Variants in CDH18 observed in about 807,000 individuals in gnomAD.
The protein encoded by CDH18 is cadherin-18.
A neutral mutation model predicts 67.9 loss-of-function variants in CDH18; 31 were observed. The observed-to-expected ratio is 0.46, with a 90% CI of 0.34 to 0.62. The LOEUF is 0.62. Ranked by LOEUF, CDH18 falls within the 20% of genes least tolerant of loss-of-function variation. CDH18 has a pLI of 0.01. For synonymous variants in CDH18, 362 were observed against 347.2 expected, an observed-to-expected ratio of 1.04 and a Z score of -0.48; for missense variants, 890 against 975.5, an observed-to-expected ratio of 0.91 and a Z score of 1.17.
At chr5:19,478,815 G>T (rs1406840289) in intron 12 of CDH18, among the ~76,000 whole-genome samples, 1 of 152,176 alleles carries the variant, frequency 6.6e-6, no homozygotes, top group East Asian at 1.9e-4. Context: ...AGGCCTCTGG[G>T]AGGGAGAGAG....
intron 7 of CDH18, among the ~76,000 whole-genome samples, chr5:19,584,805 A>AAAAAAAAAAG (rs1743868286): frequency 6.7e-6 from 1 of 148,538 alleles, no homozygotes; most frequent in African/African-American, 2.5e-5. Context: ...AAAAAAAAAA[A>AAAAAAAAAAG]AAAAAAAGAA....
intron 2 of CDH18, among the ~76,000 whole-genome samples, chr5:19,915,346 C>T (rs559352026): frequency 6.6e-6 from 1 of 152,102 alleles, no homozygotes; most frequent in African/African-American, 2.4e-5. Flanking sequence ...TATAGCTGAC[C>T]CTTGGACAAG....
chr5:20,096,198 C>A (rs1158929455), intron 2 of CDH18, among the ~76,000 whole-genome samples: 3 of 152,048 alleles, frequency 2.0e-5, no homozygotes, highest in Non-Finnish European at 4.4e-5. Context: ...TTTATGAATG[C>A]GTATTCAAAA....
intron 2 of CDH18, among the ~76,000 whole-genome samples, chr5:20,197,822 T>A (rs933915993): frequency 2.6e-5 from 4 of 152,212 alleles, no homozygotes; most frequent in African/African-American, 9.6e-5. Flanking sequence ...ATTACAGGCA[T>A]AAGTTCTGAT....
chr5:20,533,443 C>T (rs1703050), intron 1 of CDH18, among the ~76,000 whole-genome samples: 70,597 of 151,504 alleles, frequency 0.47, 16,520 homozygotes, highest in East Asian at 0.57. Context: ...AAGCAGTAGA[C>T]ATGCAAAATT....
chr5:19,542,846 G>A (rs1198345190), intron 9 of CDH18, among the ~76,000 whole-genome samples: 1 of 151,956 alleles, frequency 6.6e-6, no homozygotes, highest in East Asian at 1.9e-4. Context: ...GGTAATGGAT[G>A]TGTAACTCTG....
chr5:20,202,826 T>A (rs566926732), intron 2 of CDH18, among the ~76,000 whole-genome samples: 3 of 152,088 alleles, frequency 2.0e-5, no homozygotes, highest in African/African-American at 7.2e-5. Flanking sequence ...AACACATACC[T>A]ATATTAATAA....
intron 9 of CDH18, among the ~76,000 whole-genome samples, chr5:19,524,807 G>A (rs535400343): frequency 5.5e-4 from 83 of 151,982 alleles, no homozygotes; most frequent in Non-Finnish European, 9.3e-4. Context: ...GTGCAGTGGC[G>A]CGATCTCCGC....
intron 3 of CDH18, among the ~76,000 whole-genome samples, chr5:19,801,301 G>A (rs1381862361): frequency 1.3e-5 from 2 of 152,050 alleles, no homozygotes; most frequent in Admixed American, 6.6e-5. Context: ...GTTTCATTAC[G>A]TTAATCACTA....
chr5:20,450,752 C>T (rs1750382086), intron 1 of CDH18, among the ~76,000 whole-genome samples: 1 of 152,138 alleles, frequency 6.6e-6, no homozygotes, highest in Admixed American at 6.5e-5. Flanking sequence ...TATGAAAAAA[C>T]TCATTGCATT....
chr5:20,061,498 T>G (rs1742482332), intron 2 of CDH18, among the ~76,000 whole-genome samples: 1 of 152,148 alleles, frequency 6.6e-6, no homozygotes, highest in Non-Finnish European at 1.5e-5. Flanking sequence ...TATAAATAAT[T>G]AGATTTAAAG....
chr5:20,495,786 T>G (rs1343553611), intron 1 of CDH18, among the ~76,000 whole-genome samples: 3 of 150,732 alleles, frequency 2.0e-5, no homozygotes, highest in Non-Finnish European at 4.5e-5. Context: ...GATTTAAATA[T>G]CGAGTTCTAG....
chr5:19,733,216 G>C (rs766393238), intron 4 of CDH18, among the ~76,000 whole-genome samples: 1 of 152,194 alleles, frequency 6.6e-6, no homozygotes, highest in Non-Finnish European at 1.5e-5. Flanking sequence ...AGACCAGATA[G>C]AGAACCTGTC....
At chr5:20,137,531 C>A (rs1168168666) in intron 2 of CDH18, among the ~76,000 whole-genome samples, 1 of 151,978 alleles carries the variant, frequency 6.6e-6, no homozygotes, top group Non-Finnish European at 1.5e-5. Context: ...GTTCGAAAAT[C>A]CTCCTTTAGC....
intron 11 of CDH18, among the ~76,000 whole-genome samples, chr5:19,486,128 AC>A (rs1183719299): frequency 2.0e-5 from 3 of 152,120 alleles, no homozygotes; most frequent in African/African-American, 7.2e-5. Flanking sequence ...AGAGCTTCCC[AC>A]CTAGAAAGGC....
At chr5:20,066,963 G>A (rs1398482046) in intron 2 of CDH18, among the ~76,000 whole-genome samples, 3 of 151,196 alleles carry the variant, frequency 2.0e-5, no homozygotes, top group Non-Finnish European at 4.4e-5. Context: ...CCATATCCAT[G>A]GATTCCTCAT....
intron 1 of CDH18, among the ~76,000 whole-genome samples, chr5:20,520,405 G>A (rs555210004): frequency 2.0e-5 from 3 of 152,070 alleles, no homozygotes; most frequent in Non-Finnish European, 2.9e-5. Flanking sequence ...ATATGGAAAC[G>A]TTATGGTAGA....
chr5:19,917,394 G>A (rs1791942523), intron 2 of CDH18, among the ~76,000 whole-genome samples: 1 of 141,384 alleles, frequency 7.1e-6, no homozygotes, highest in African/African-American at 2.8e-5. Flanking sequence ...AGTCATATTT[G>A]CATGTTCTTT....
chr5:19,900,500 T>A (rs1026019710), intron 2 of CDH18, among the ~76,000 whole-genome samples: 6 of 152,184 alleles, frequency 3.9e-5, no homozygotes, highest in Admixed American at 3.9e-4. Context: ...TATACATGTA[T>A]CAAACGATAA....
Sources: gnomAD v4.1 joint callset for allele counts (sites outside exome capture counted in the v4.1 genomes callset) on GRCh38, gnomAD v4.1.1 for gene constraint, MANE v1.5 for transcripts, NCBI Gene and HGNC (gene_info 2026-07-23, HGNC 2026-07-21) for gene names.